The following CATSPERD variants were observed in gnomAD, a reference collection of about 807,000 sequenced individuals.
CATSPERD encodes the protein catsper channel auxiliary subunit delta.
Under a neutral mutation model 98.1 loss-of-function variants are expected in CATSPERD, and 86 were observed. The observed-to-expected ratio is 0.88, with a 90% CI of 0.74 to 1.05. The LOEUF (loss-of-function observed/expected upper bound fraction) is 1.05. Ranked by LOEUF, CATSPERD falls within the 50% of genes least tolerant of loss-of-function variation. The pLI, the probability that CATSPERD is intolerant of heterozygous loss-of-function variation, is 0.00. For missense variants in CATSPERD, 995 were observed against 1,005.7 expected, an observed-to-expected ratio of 0.99 and a Z score of 0.14; for synonymous variants, 394 against 390.2, an observed-to-expected ratio of 1.01 and a Z score of -0.12.
chr19:5,753,138 T>C (rs1599558323), intron 12 of CATSPERD, among the ~76,000 whole-genome samples: 1 of 151,646 alleles, frequency 6.6e-6, no homozygotes, highest in East Asian at 1.9e-4. Flanking sequence ...GGATTACAGG[T>C]GTGAGCCACT....
intron 16 of CATSPERD, among the ~76,000 whole-genome samples, chr19:5,764,148 C>A (rs2056495852): frequency 6.6e-6 from 1 of 151,564 alleles, no homozygotes; most frequent in African/African-American, 2.4e-5. Context: ...TGCGCCCAAC[C>A]TGGTCTTGAA....
rs903402813 is a variant in CATSPERD at position 5,724,867 on chromosome 19, G to A, written c.126+5G>A. The A allele has an allele frequency of 6.2e-7, 1 of 1,613,640 alleles. No homozygotes were observed. The highest frequency in any genetic ancestry group is 8.5e-7 in the Non-Finnish European group (1 of 1,179,546). ...CTGATACAGGACGTTCAAGGGGTAT[G>A]TGGCTCCATGCTTAAATTCATCCTT... On this transcript the variant is annotated splice_donor_5th_base_variant and intron_variant, in intron 2 of 21. Transcript: ENST00000381624.
At chr19:5,760,930 C>T (rs890798292) in intron 15 of CATSPERD, among the ~76,000 whole-genome samples, 1 of 150,838 alleles carries the variant, frequency 6.6e-6, no homozygotes, top group South Asian at 2.1e-4. Flanking sequence ...CAGAGCGAGA[C>T]CCCCATCTCA....
At chr19:5,722,401 G>A (rs563877776) in intron 1 of CATSPERD, among the ~76,000 whole-genome samples, 4 of 152,176 alleles carry the variant, frequency 2.6e-5, no homozygotes, top group Non-Finnish European at 5.9e-5. Context: ...GCTTACAGGC[G>A]TGTGCCACCG....
At chr19:5,740,060 T>C (rs1446782401) in intron 7 of CATSPERD, among the ~76,000 whole-genome samples, 1 of 152,024 alleles carries the variant, frequency 6.6e-6, no homozygotes, top group Non-Finnish European at 1.5e-5. Flanking sequence ...GGTGGGCAGA[T>C]CACCTGAGGT....
chr19:5,753,331 T>C (rs1029330436), intron 12 of CATSPERD, among the ~76,000 whole-genome samples: 7 of 150,788 alleles, frequency 4.6e-5, no homozygotes, highest in African/African-American at 1.5e-4. Flanking sequence ...GAGGCTAAGG[T>C]GGGTGGATCA....
chr19:5,749,279 G>A, intron 11 of CATSPERD, 96 bp downstream of exon 11: 4 of 780,594 alleles, frequency 5.1e-6, no homozygotes, highest in Non-Finnish European at 8.0e-6. Flanking sequence ...ATCACCTGAG[G>A]TCAGGAGTTC....
rs150831247 is a variant in CATSPERD at position 5,763,902 on chromosome 19, C to T, written c.1506+609C>T. Among the ~76,000 whole-genome samples, 46 of 126,312 alleles carry T rather than the reference C, an allele frequency of 3.6e-4. No homozygotes were observed. The East Asian group carries it at 9.9e-3, about 27-fold the overall frequency. The allele number at this position is 126,312 out of a possible 152,430, so 82.9% of individuals were successfully genotyped here. A position where few individuals can be genotyped will look rare whatever the true frequency, so the allele number is the denominator to read the frequency against. On this transcript the variant is annotated intron_variant, in intron 16 of 21. Coordinates refer to ENST00000381624, the MANE Select transcript of CATSPERD (RefSeq NM_152784.4). Reference sequence around the variant, plus strand: ...TTACTCTGTCGCCCAGACTGGAATGCAGTGGTGCGATCTCAGCTCATTGTA... The same window carrying T: ...TTACTCTGTCGCCCAGACTGGAATGTAGTGGTGCGATCTCAGCTCATTGTA...
chr19:5,731,894 G>A (rs1299313783), intron 4 of CATSPERD, among the ~76,000 whole-genome samples: 1 of 151,736 alleles, frequency 6.6e-6, no homozygotes, highest in Non-Finnish European at 1.5e-5. Context: ...GTTAATGCTA[G>A]TCATTCATCA....
chr19:5,762,315 C>T (rs769361200), intron 15 of CATSPERD, among the ~76,000 whole-genome samples: 48 of 151,310 alleles, frequency 3.2e-4, no homozygotes, highest in Admixed American at 1.9e-3. Flanking sequence ...CTGCCCACCT[C>T]GGCCTCCCAA....
chr19:5,753,864 C>A (rs1181012509), intron 12 of CATSPERD, among the ~76,000 whole-genome samples: 1 of 151,480 alleles, frequency 6.6e-6, no homozygotes, highest in Non-Finnish European at 1.5e-5. Flanking sequence ...CAGAGCGAGA[C>A]CCTGTCTCAA....
In CATSPERD at chr19:5,766,105, G is replaced by A. The variant is rs766707672; in HGVS notation, c.1509G>A (p.Ser503=). The A allele has an allele frequency of 2.5e-6, 4 of 1,612,640 alleles. No individual in the cohort carries two copies. Among genetic ancestry groups the A allele is most frequent in the Non-Finnish European group, 2.5e-6 (3 of 1,179,302 alleles). The stretch of plus-strand genomic sequence containing the variant: ...ATTTCTGTCTCTCTCCTCTGCAGTC[G>A]ACACTGATTTCAGTTGGCTGCGACC... ...EISCVDIKPL[S]TLISVGCDLD... Residue 503 remains serine, a splice_region_variant and synonymous_variant, in exon 17 of 22, where the codon TCG becomes TCA. Transcript: ENST00000381624.
chr19:5,768,762 C>T (rs1241595935), intron 18 of CATSPERD, among the ~76,000 whole-genome samples: 1 of 152,168 alleles, frequency 6.6e-6, no homozygotes, highest in African/African-American at 2.4e-5. Flanking sequence ...GCTGGCTGGT[C>T]CCACATGCTG....
In CATSPERD at chr19:5,763,307, C is replaced by T. The variant is rs765794256; in HGVS notation, c.1506+14C>T. 6.2e-7 allele frequency: 1 copy of T among 1,605,124 alleles called. No homozygotes were observed. The highest frequency in any genetic ancestry group is 8.5e-7 in the Non-Finnish European group (1 of 1,171,942). On this transcript the variant is annotated intron_variant, in intron 16 of 21. Transcript: ENST00000381624. ...ATCAAGCCACTGGTAGGTCCCAAAT[C>T]TTTGCTGTCCCATATTCGGTGTCAT...
chr19:5,760,128 G>A (rs533531574), intron 15 of CATSPERD, among the ~76,000 whole-genome samples: 2 of 150,672 alleles, frequency 1.3e-5, no homozygotes, highest in African/African-American at 2.4e-5. Context: ...AACACTTTGG[G>A]AGGCTGAGGC....
chr19:5,724,995 TTCTTTCCCCTTTGAAATAGGGATTAA>T (rs1384920919), intron 2 of CATSPERD, 133 bp downstream of exon 2: 1 of 812,868 alleles, frequency 1.2e-6, no homozygotes, highest in Non-Finnish European at 2.1e-6. Context: ...GTCTTTACAG[TTCTTTCCCCTTTGAAATAGGGATTAA>T]TCTTTCCCAT....
chr19:5,759,931 G>T (rs2056402543), intron 15 of CATSPERD, among the ~76,000 whole-genome samples: 1 of 151,208 alleles, frequency 6.6e-6, no homozygotes, highest in South Asian at 2.1e-4. Flanking sequence ...ACAAAAATTA[G>T]CCGGGCATGG....
chr19:5,731,611 C>T (rs112321996), intron 4 of CATSPERD, among the ~76,000 whole-genome samples: 1 of 130,952 alleles, frequency 7.6e-6, no homozygotes, highest in African/African-American at 3.0e-5. Context: ...CTCTGTCACC[C>T]AGGCCGGACT....
chr19:5,772,945 C>A lies in CATSPERD; in HGVS notation c.1921C>A (p.Pro641Thr), dbSNP rs773568657. 30 of 1,613,792 alleles carry A rather than the reference C, an allele frequency of 1.9e-5. No homozygotes were observed. The East Asian group carries it at 6.2e-4, about 34-fold the overall frequency. ...CACCATGATAAAGGAATTCGGGGGGCCCTTCTTCTGGAACAGAGAGGTAAC... is the reference window on the plus strand; with the variant it reads ...CACCATGATAAAGGAATTCGGGGGGACCTTCTTCTGGAACAGAGAGGTAAC... ...WTTMIKEFGG[P>T]FFWNRENYVS... is the part of the protein sequence containing the mutation. The change falls in exon 20 of 22, where the codon CCC (proline) becomes ACC (threonine). Residue 641 changes from proline (P) to threonine (T), a missense_variant. Coordinates refer to ENST00000381624, the MANE Select transcript of CATSPERD (RefSeq NM_152784.4).
Sources: allele counts gnomAD v4.1 joint callset (sites outside exome capture counted in the v4.1 genomes callset), GRCh38; gene constraint gnomAD v4.1.1; transcripts MANE v1.5; gene names NCBI Gene and HGNC (gene_info 2026-07-23, HGNC 2026-07-21).